Variants in UBE2D1 observed in about 807,000 individuals in gnomAD.
The protein encoded by UBE2D1 is ubiquitin conjugating enzyme E2 D1.
Under a neutral mutation model 24.6 loss-of-function variants are expected in UBE2D1, and 9 were observed. The ratio of observed to expected loss-of-function variants is 0.37; its 90% CI spans 0.22 to 0.64. The LOEUF (loss-of-function observed/expected upper bound fraction) is 0.64, where lower values mean the gene tolerates loss of function less well. UBE2D1 is among the 30% of genes least tolerant of loss of function. The pLI is 0.64. For missense variants in UBE2D1, 87 were observed against 177.1 expected (o/e 0.49, Z 2.89); for synonymous variants, 57 against 57.6 (o/e 0.99, Z 0.04).
At chr10:58,341,510 A>G (rs1435140671) in intron 1 of UBE2D1, among the ~76,000 whole-genome samples, 1 of 152,120 alleles carries the variant, frequency 6.6e-6, no homozygotes, top group Non-Finnish European at 1.5e-5. Context: ...ATAGAGGTAT[A>G]AAAAAATGAG....
intron 1 of UBE2D1, among the ~76,000 whole-genome samples, chr10:58,355,096 CTACTA>C: frequency 6.6e-6 from 1 of 152,226 alleles, no homozygotes; most frequent in African/African-American, 2.4e-5. Flanking sequence ...CTGGAAAACT[CTACTA>C]TATACTCATG....
Position 58,364,861 on chromosome 10 carries a change from C to G in UBE2D1, c.289C>G (p.Leu97Val). 6.2e-7 allele frequency: 1 copy of G among 1,612,708 alleles called. No individual in the cohort carries two copies. Among genetic ancestry groups the G allele is most frequent in the Non-Finnish European group, 8.5e-7 (1 of 1,178,954 alleles). ...DILRSQWSPA[L>V]TVSKVLLSIC... is the part of the protein sequence containing the mutation. ...TCTGAGGTCACAATGGTCACCAGCT[C>G]TGACTGTATCAAAAGGTAATTTCAT... The change falls in exon 5 of 7, where the codon CTG becomes GTG. Residue 97 changes from leucine (L) to valine (V), a missense_variant. Leu to Val is a conservative substitution (Grantham distance 32, BLOSUM62 1). Coordinates refer to ENST00000373910, the MANE Select transcript of UBE2D1 (RefSeq NM_003338.5).
At chr10:58,359,299 A>G (rs1396138579) in intron 1 of UBE2D1, among the ~76,000 whole-genome samples, 1 of 152,220 alleles carries the variant, frequency 6.6e-6, no homozygotes. Context: ...ATGGTGTTTT[A>G]AAATAAATTG....
intron 1 of UBE2D1, among the ~76,000 whole-genome samples, chr10:58,339,797 C>G (rs1304832875): frequency 6.6e-6 from 1 of 150,802 alleles, no homozygotes; most frequent in Non-Finnish European, 1.5e-5. Flanking sequence ...TTATTTAATA[C>G]CTTCTCATGC....
chr10:58,362,838 A>G (rs1303972328), intron 3 of UBE2D1, among the ~76,000 whole-genome samples: 1 of 152,124 alleles, frequency 6.6e-6, no homozygotes. Context: ...CAGAATGCTA[A>G]TATAACATGA....
At chr10:58,363,449 T>G (rs151043352) in intron 3 of UBE2D1, among the ~76,000 whole-genome samples, 160 bp from the exon 4 acceptor site, 2,417 of 152,290 alleles carry the variant, frequency 0.016, 52 homozygotes, top group African/African-American at 0.053. Flanking sequence ...TTTGAACTTA[T>G]GACAAAATGG....
chr10:58,347,639 C>CTTTTTT (rs774396274), intron 1 of UBE2D1, among the ~76,000 whole-genome samples: 2 of 116,236 alleles, frequency 1.7e-5, no homozygotes, highest in African/African-American at 3.4e-5. Flanking sequence ...AAATTACACT[C>CTTTTTT]TTTTTTTTTT....
At chr10:58,340,674 C>T (rs1839952865) in intron 1 of UBE2D1, among the ~76,000 whole-genome samples, 1 of 152,100 alleles carries the variant, frequency 6.6e-6, no homozygotes, top group Non-Finnish European at 1.5e-5. Context: ...TAAAATCTGT[C>T]AATAAACTGA....
chr10:58,363,690 T>C lies in UBE2D1; in HGVS notation c.198+4T>C. 1 of 1,591,890 alleles carries C rather than the reference T, an allele frequency of 6.3e-7. No individual in the cohort carries two copies. The highest frequency in any genetic ancestry group is 1.1e-5 in the South Asian group (1 of 89,018). ...TTATCCTTTTAAACCACCAAAGGTATTTTTATTTTTATGATTGATGTGACT... is the reference window on the plus strand; with the variant it reads ...TTATCCTTTTAAACCACCAAAGGTACTTTTATTTTTATGATTGATGTGACT... On this transcript the variant is annotated splice_donor_region_variant and intron_variant, in intron 4 of 6. Coordinates refer to ENST00000373910, the MANE Select transcript of UBE2D1 (RefSeq NM_003338.5).
intron 1 of UBE2D1, among the ~76,000 whole-genome samples, chr10:58,353,696 TATTC>T (rs1324995143): frequency 1.3e-5 from 2 of 152,248 alleles, no homozygotes; most frequent in Non-Finnish European, 2.9e-5. Flanking sequence ...ATTCTTTTGA[TATTC>T]ATTTTTGTGT....
At position 58,361,545 on chromosome 10, in the gene UBE2D1, T is replaced by G; in HGVS notation, c.120+19T>G. ...GGGGCCTGTAAGTATGATTCATATC[T>G]ATGAAATTAACCCCCTCAGCCATAC... is the stretch of plus-strand genomic sequence containing the variant. On this transcript the variant is annotated intron_variant, in intron 3 of 6. Coordinates refer to ENST00000373910, the MANE Select transcript of UBE2D1 (RefSeq NM_003338.5). 1 of 1,613,860 alleles carries G rather than the reference T, an allele frequency of 6.2e-7. No homozygotes were observed. Among genetic ancestry groups the G allele is most frequent in the Non-Finnish European group, 8.5e-7 (1 of 1,179,976 alleles).
intron 1 of UBE2D1, 139 bp downstream of exon 1, chr10:58,335,364 C>A: frequency 9.3e-7 from 1 of 1,073,420 alleles, no homozygotes; most frequent in Non-Finnish European, 1.3e-6. Context: ...GCTGAAGGCT[C>A]GGGCCGGGCC....
chr10:58,342,467 G>A (rs1456135110), intron 1 of UBE2D1, among the ~76,000 whole-genome samples: 3 of 151,946 alleles, frequency 2.0e-5, no homozygotes, highest in Non-Finnish European at 4.4e-5. Context: ...CTCCTTATGC[G>A]AGCAGAGTTT....
intron 1 of UBE2D1, among the ~76,000 whole-genome samples, chr10:58,343,948 G>A (rs1474201710): frequency 1.3e-5 from 2 of 152,008 alleles, no homozygotes; most frequent in Admixed American, 6.6e-5. Context: ...TTTGGTTACT[G>A]TAAAGTAAAT....
At chr10:58,349,017 A>G (rs1840044984) in intron 1 of UBE2D1, among the ~76,000 whole-genome samples, 1 of 152,220 alleles carries the variant, frequency 6.6e-6, no homozygotes, top group African/African-American at 2.4e-5. Flanking sequence ...GCAATTTAAA[A>G]TTCAGTTTCA....
At chr10:58,347,056 G>A (rs542564422) in intron 1 of UBE2D1, among the ~76,000 whole-genome samples, 7 of 152,122 alleles carry the variant, frequency 4.6e-5, no homozygotes, top group African/African-American at 1.4e-4. Flanking sequence ...CTGTTATCCA[G>A]TCTGGTCCCA....
At position 58,342,691 on chromosome 10, in the gene UBE2D1, G is replaced by A. The variant is rs570763695; in HGVS notation, c.24+7466G>A. 2.8e-4 allele frequency among the ~76,000 whole-genome samples: 42 copies of A among 151,836 alleles called. No homozygotes were observed. In the South Asian group the frequency reaches 6.4e-3, roughly 23 times the overall value. On this transcript the variant is annotated intron_variant, in intron 1 of 6. Coordinates refer to ENST00000373910, the MANE Select transcript of UBE2D1 (RefSeq NM_003338.5). ...TGACCCTTGGATTATTTAGAAATACGTTATTTATTTGCCATATGTTTGGAG... is the reference window on the plus strand; with the variant it reads ...TGACCCTTGGATTATTTAGAAATACATTATTTATTTGCCATATGTTTGGAG...
At chr10:58,341,969 G>A (rs1349470547) in intron 1 of UBE2D1, among the ~76,000 whole-genome samples, 1 of 152,166 alleles carries the variant, frequency 6.6e-6, no homozygotes, top group East Asian at 1.9e-4. Context: ...GGAATTGGAG[G>A]GGTAGGTCCT....
At chr10:58,361,937 A>G (rs1218211975) in intron 3 of UBE2D1, among the ~76,000 whole-genome samples, 3 of 152,094 alleles carry the variant, frequency 2.0e-5, no homozygotes, top group Admixed American at 6.5e-5. Flanking sequence ...TCAGTTTGCC[A>G]TAAGTTTCAT....
Sources: allele counts gnomAD v4.1 joint callset (sites outside exome capture counted in the v4.1 genomes callset), GRCh38; gene constraint gnomAD v4.1.1; transcripts MANE v1.5; gene names NCBI Gene and HGNC (gene_info 2026-07-23, HGNC 2026-07-21).